The following ATXN7L1 variants were observed in gnomAD, a reference collection of about 807,000 sequenced individuals.
ATXN7L1 encodes ataxin-7-like protein 1.
ATXN7L1 carries 15 observed loss-of-function variants against 70.8 expected under a neutral mutation model. That is an observed-to-expected ratio of 0.21 (90% CI 0.14 to 0.33). The LOEUF (loss-of-function observed/expected upper bound fraction) is 0.33, where lower values mean the gene tolerates loss of function less well. ATXN7L1 is among the 10% of genes least tolerant of loss of function. The probability of loss-of-function intolerance (pLI) is 1.00; values close to 1 mark genes in which losing one functional copy is unlikely to be tolerated. For synonymous variants in ATXN7L1, 440 were observed against 445.1 expected, an observed-to-expected ratio of 0.99 and a Z score of 0.14; for missense variants, 975 against 1,097.1, an observed-to-expected ratio of 0.89 and a Z score of 1.57.
chr7:105,629,817 CTTATTA>C (rs1796325187), intron 7 of ATXN7L1, among the ~76,000 whole-genome samples: 1 of 146,090 alleles, frequency 6.8e-6, no homozygotes, highest in African/African-American at 2.5e-5. Context: ...CGTGCCCGGT[CTTATTA>C]TTATTTTTTT....
chr7:105,707,973 T>C (rs1312493270), intron 3 of ATXN7L1, among the ~76,000 whole-genome samples: 1 of 152,260 alleles, frequency 6.6e-6, no homozygotes, highest in Non-Finnish European at 1.5e-5. Context: ...TGCAACTTTA[T>C]AAGTGGCCTT....
At chr7:105,709,296 T>C (rs1299505132) in intron 3 of ATXN7L1, among the ~76,000 whole-genome samples, 4 of 152,154 alleles carry the variant, frequency 2.6e-5, no homozygotes, top group African/African-American at 7.2e-5. Context: ...ATAGTGCCAC[T>C]GCACTCCAGC....
intron 3 of ATXN7L1, among the ~76,000 whole-genome samples, chr7:105,727,777 T>TATAC (rs1462125950): frequency 0.047 from 4,258 of 89,964 alleles, 153 homozygotes; most frequent in Non-Finnish European, 0.063. Flanking sequence ...TATATATATA[T>TATAC]ACACACACAT....
chr7:105,829,267 C>CAAACA (rs60104616), intron 2 of ATXN7L1, among the ~76,000 whole-genome samples: 48,612 of 151,250 alleles, frequency 0.32, 8,569 homozygotes, highest in East Asian at 0.72. Context: ...ACTAAAAATA[C>CAAACA]AAACAAAACA....
chr7:105,848,522 A>AT (rs142017639), intron 2 of ATXN7L1, among the ~76,000 whole-genome samples: 21,932 of 152,264 alleles, frequency 0.14, 1,717 homozygotes, highest in Middle Eastern at 0.22. Flanking sequence ...AGTTAAATAA[A>AT]TTATGAAATA....
At chr7:105,853,479 G>A (rs1002655689) in intron 2 of ATXN7L1, among the ~76,000 whole-genome samples, 2 of 152,120 alleles carry the variant, frequency 1.3e-5, no homozygotes, top group Admixed American at 6.5e-5. Flanking sequence ...ACTTGAACCC[G>A]GGAGGCGGAG....
At chr7:105,731,178 G>C (rs1796489259) in intron 3 of ATXN7L1, among the ~76,000 whole-genome samples, 1 of 152,150 alleles carries the variant, frequency 6.6e-6, no homozygotes, top group Admixed American at 6.5e-5. Flanking sequence ...ATGTGTATTA[G>C]GTGTATATGA....
At chr7:105,609,324 C>T (rs1485520802) in intron 11 of ATXN7L1, among the ~76,000 whole-genome samples, 1 of 152,052 alleles carries the variant, frequency 6.6e-6, no homozygotes, top group African/African-American at 2.4e-5. Context: ...TGCGCACCAC[C>T]ATGCCCAGCT....
rs865985728 is a variant in ATXN7L1, at chr7:105,824,122, G to A, written c.251-35414C>T. On this transcript the variant is annotated intron_variant, in intron 2 of 11. Coordinates refer to ENST00000419735, the MANE Select transcript of ATXN7L1 (RefSeq NM_020725.2). ...CTGCTCTTAGAGCACCCTCCAGGCAGGAAAGGGGATAATTCATCTCTGAAA... is the reference window on the plus strand; with the variant it reads ...CTGCTCTTAGAGCACCCTCCAGGCAAGAAAGGGGATAATTCATCTCTGAAA... Among the ~76,000 whole-genome samples the A allele has an allele frequency of 1.3e-4, 20 of 152,276 alleles. No individual in the cohort carries two copies. In the Middle Eastern group the frequency reaches 0.01, roughly 78 times the overall value.
rs570253469 is a variant in ATXN7L1 at position 105,747,226 on chromosome 7, A to G, written c.355+41378T>C. 2.6e-5 allele frequency among the ~76,000 whole-genome samples: 4 copies of G among 152,332 alleles called. No individual in the cohort carries two copies. In the East Asian group the frequency reaches 7.7e-4, roughly 29 times the overall value. ...GCGGGGACTTTCAGCTCCACCTGCC[A>G]ACCTCTGGGAGGGGAGAGAGGCTGA... On this transcript the variant is annotated intron_variant, in intron 3 of 11. Coordinates refer to ENST00000419735, the MANE Select transcript of ATXN7L1 (RefSeq NM_020725.2).
intron 2 of ATXN7L1, among the ~76,000 whole-genome samples, chr7:105,840,345 G>A (rs1319641318): frequency 6.6e-6 from 1 of 152,214 alleles, no homozygotes; most frequent in Non-Finnish European, 1.5e-5. Context: ...ACGGGGGCTT[G>A]GATAGCCTGC....
chr7:105,650,646 G>C (rs749338325), intron 4 of ATXN7L1, among the ~76,000 whole-genome samples: 2 of 152,192 alleles, frequency 1.3e-5, no homozygotes, highest in Admixed American at 1.3e-4. Flanking sequence ...TGCAGAGCTC[G>C]ACAGGGACCC....
chr7:105,654,641 T>C (rs906392247), intron 4 of ATXN7L1, among the ~76,000 whole-genome samples: 1 of 152,230 alleles, frequency 6.6e-6, no homozygotes. Flanking sequence ...TAGGCTCAAA[T>C]AGGATTGGGC....
chr7:105,784,874 T>C (rs1427569332), intron 3 of ATXN7L1, among the ~76,000 whole-genome samples: 1 of 152,198 alleles, frequency 6.6e-6, no homozygotes, highest in African/African-American at 2.4e-5. Context: ...AATAATGTTC[T>C]GTGGAGCCCT....
chr7:105,761,663 T>C (rs1468636843), intron 3 of ATXN7L1, among the ~76,000 whole-genome samples: 1 of 152,220 alleles, frequency 6.6e-6, no homozygotes, highest in Admixed American at 6.5e-5. Context: ...CTAAACTCTT[T>C]TCCATATTTC....
intron 2 of ATXN7L1, among the ~76,000 whole-genome samples, chr7:105,842,910 T>C (rs1279276615): frequency 6.6e-6 from 1 of 152,256 alleles, no homozygotes; most frequent in African/African-American, 2.4e-5. Flanking sequence ...TCCTACTGGA[T>C]GGAGAGTGGT....
At chr7:105,707,502 C>A (rs936443335) in intron 3 of ATXN7L1, among the ~76,000 whole-genome samples, 1 of 152,098 alleles carries the variant, frequency 6.6e-6, no homozygotes, top group African/African-American at 2.4e-5. Context: ...GCAGTCTGAG[C>A]CTCCTCCTCA....
intron 3 of ATXN7L1, among the ~76,000 whole-genome samples, chr7:105,732,017 C>T (rs1268671658): frequency 4.6e-5 from 7 of 152,006 alleles, no homozygotes; most frequent in South Asian, 4.2e-4. Context: ...CGCTTGAACC[C>T]GGGAGTCGGA....
At chr7:105,808,951 C>T (rs1242807042) in intron 2 of ATXN7L1, among the ~76,000 whole-genome samples, 1 of 152,250 alleles carries the variant, frequency 6.6e-6, no homozygotes, top group Non-Finnish European at 1.5e-5. Flanking sequence ...ATTGTCCAAC[C>T]TACGGGGCAT....
Sources: allele counts gnomAD v4.1 joint callset (sites outside exome capture counted in the v4.1 genomes callset), GRCh38; gene constraint gnomAD v4.1.1; transcripts MANE v1.5; gene names NCBI Gene and HGNC (gene_info 2026-07-23, HGNC 2026-07-21).